FOXP2: variants seen among roughly 807,000 people sequenced by gnomAD.
FOXP2 encodes the protein forkhead box protein P2.
A neutral mutation model predicts 115.8 loss-of-function variants in FOXP2; 12 were observed. That is an observed-to-expected ratio of 0.10 (90% CI 0.07 to 0.17). The LOEUF is 0.17. Among genes scored for constraint, FOXP2 ranks in the 10% least tolerant of loss-of-function variants. The pLI is 1.00. For missense variants in FOXP2, 629 were observed against 843.5 expected, an observed-to-expected ratio of 0.75 and a Z score of 3.15; for synonymous variants, 328 against 297.7, an observed-to-expected ratio of 1.10 and a Z score of -1.05.
At chr7:114,439,351 T>C (rs965123326) in intron 2 of FOXP2, among the ~76,000 whole-genome samples, 16 of 152,176 alleles carry the variant, frequency 1.1e-4, no homozygotes, top group African/African-American at 3.9e-4. Context: ...CTCCGGTTTG[T>C]ATCTGTAGAG....
intron 1 of FOXP2, among the ~76,000 whole-genome samples, chr7:114,126,654 C>A (rs1791718481): frequency 1.3e-5 from 2 of 151,970 alleles, no homozygotes; most frequent in Non-Finnish European, 2.9e-5. Context: ...GCAGTGAAAA[C>A]CCTTAAATTC....
intron 2 of FOXP2, among the ~76,000 whole-genome samples, chr7:114,347,187 G>A (rs1379127587): frequency 6.6e-6 from 1 of 151,752 alleles, no homozygotes; most frequent in Non-Finnish European, 1.5e-5. Flanking sequence ...GTCACTCTGT[G>A]ACCTATAAAC....
chr7:114,300,549 A>C (rs558889922), intron 2 of FOXP2, among the ~76,000 whole-genome samples: 2 of 152,048 alleles, frequency 1.3e-5, no homozygotes, highest in Admixed American at 1.3e-4. Context: ...ATAAAATAGA[A>C]AAAGTTCTTA....
intron 2 of FOXP2, among the ~76,000 whole-genome samples, chr7:114,528,281 T>C (rs1322637037): frequency 6.6e-6 from 1 of 152,068 alleles, no homozygotes; most frequent in Non-Finnish European, 1.5e-5. Flanking sequence ...GCCCAAATAT[T>C]ATATCCTCCA....
At chr7:114,443,321 C>A (rs1219789828) in intron 2 of FOXP2, among the ~76,000 whole-genome samples, 1 of 152,126 alleles carries the variant, frequency 6.6e-6, no homozygotes. Flanking sequence ...ACAAAAAAGG[C>A]ACATGCGATT....
At chr7:114,112,323 G>T (rs1237502912) in intron 1 of FOXP2, among the ~76,000 whole-genome samples, 1 of 151,880 alleles carries the variant, frequency 6.6e-6, no homozygotes, top group East Asian at 1.9e-4. Context: ...TTGAGAAAGG[G>T]TCAAACTCTG....
chr7:114,596,933 AC>A (rs1399345045), intron 3 of FOXP2, among the ~76,000 whole-genome samples: 1 of 152,034 alleles, frequency 6.6e-6, no homozygotes, highest in Non-Finnish European at 1.5e-5. Context: ...CTCATTAGTG[AC>A]TTTTCTTTAT....
At chr7:114,375,569 G>A (rs1290704665) in intron 2 of FOXP2, among the ~76,000 whole-genome samples, 2 of 152,310 alleles carry the variant, frequency 1.3e-5, no homozygotes, top group Non-Finnish European at 2.9e-5. Flanking sequence ...AAGAGCCATT[G>A]TTTCTGAGGG....
chr7:114,184,897 T>C (rs1187236496), intron 1 of FOXP2, among the ~76,000 whole-genome samples: 1 of 152,166 alleles, frequency 6.6e-6, no homozygotes, highest in Non-Finnish European at 1.5e-5. Flanking sequence ...TCAATAACTT[T>C]CTAAAATCTC....
At chr7:114,137,409 T>C (rs1792069041) in intron 1 of FOXP2, among the ~76,000 whole-genome samples, 1 of 152,128 alleles carries the variant, frequency 6.6e-6, no homozygotes, top group South Asian at 2.1e-4. Context: ...TATAAGGAAG[T>C]AAACACATCT....
intron 1 of FOXP2, among the ~76,000 whole-genome samples, chr7:114,287,692 A>G (rs1189386907): frequency 6.6e-6 from 1 of 151,970 alleles, no homozygotes; most frequent in Non-Finnish European, 1.5e-5. Flanking sequence ...TTTTCTGTAA[A>G]TTATAAAAGT....
intron 9 of FOXP2, 78 bp from the exon 10 acceptor site, chr7:114,653,848 T>C: frequency 7.1e-7 from 1 of 1,400,048 alleles, no homozygotes; most frequent in South Asian, 1.2e-5. Context: ...GCAAGCTCAA[T>C]GATAAGATGT....
At chr7:114,390,592 C>T (rs1448780773) in intron 2 of FOXP2, among the ~76,000 whole-genome samples, 18 of 151,874 alleles carry the variant, frequency 1.2e-4, no homozygotes, top group African/African-American at 2.4e-4. Flanking sequence ...CTTACTCTGT[C>T]GCCCATGCTG....
At chr7:114,263,986 T>G (rs1795827999) in intron 1 of FOXP2, among the ~76,000 whole-genome samples, 1 of 152,018 alleles carries the variant, frequency 6.6e-6, no homozygotes, top group Non-Finnish European at 1.5e-5. Context: ...TCAGGAACAC[T>G]GGATGTATTC....
rs370836051 is a variant in FOXP2 at position 114,652,199 on chromosome 7, T to G, written c.1095-4T>G. On this transcript the variant is annotated splice_region_variant and splice_polypyrimidine_tract_variant and intron_variant, in intron 8 of 16. Coordinates refer to ENST00000350908, the MANE Select transcript of FOXP2 (RefSeq NM_014491.4). Reference sequence around the variant, plus strand: ...ATTCTGTTTTGTGTCTTCTGTTTGTTTAGGCACCTTAACAATGAACACGCA... The same window carrying G: ...ATTCTGTTTTGTGTCTTCTGTTTGTGTAGGCACCTTAACAATGAACACGCA... 16 of 1,612,644 alleles carry G rather than the reference T, an allele frequency of 9.9e-6. No individual in the cohort carries two copies. The African/African-American group carries it at 2.0e-4, about 20-fold the overall frequency.
At chr7:114,491,569 G>A (rs1797055936) in intron 2 of FOXP2, among the ~76,000 whole-genome samples, 4 of 152,142 alleles carry the variant, frequency 2.6e-5, no homozygotes, top group African/African-American at 9.6e-5. Flanking sequence ...TTTTAGACAT[G>A]AAGTCCTTGC....
intron 2 of FOXP2, among the ~76,000 whole-genome samples, chr7:114,465,116 T>C (rs565722563): frequency 3.3e-5 from 5 of 152,184 alleles, no homozygotes; most frequent in Non-Finnish European, 7.3e-5. Context: ...CTGATTCCTT[T>C]TTAAAAATTA....
intron 1 of FOXP2, among the ~76,000 whole-genome samples, chr7:114,196,849 A>C (rs1402741068): frequency 6.6e-6 from 1 of 152,114 alleles, no homozygotes; most frequent in East Asian, 1.9e-4. Flanking sequence ...TTTTAAAATA[A>C]ATTTTCTTAA....
chr7:114,158,384 A>G (rs1357019047), upstream of FOXP2, among the ~76,000 whole-genome samples: 1 of 151,764 alleles, frequency 6.6e-6, no homozygotes, highest in African/African-American at 2.4e-5. Flanking sequence ...ATATGAACTT[A>G]GTTGTTAAAT....
Sources: allele counts gnomAD v4.1 joint callset (sites outside exome capture counted in the v4.1 genomes callset), GRCh38; gene constraint gnomAD v4.1.1; transcripts MANE v1.5; gene names NCBI Gene and HGNC (gene_info 2026-07-23, HGNC 2026-07-21).